AGO4: variants seen among roughly 807,000 people sequenced by gnomAD.
AGO4 encodes the protein protein argonaute-4.
A neutral mutation model predicts 104.7 loss-of-function variants in AGO4; 33 were observed. The ratio of observed to expected loss-of-function variants is 0.32; its 90% CI spans 0.24 to 0.42. AGO4 has a LOEUF of 0.42. Ranked by LOEUF, AGO4 falls within the 10% of genes least tolerant of loss-of-function variation. The probability of loss-of-function intolerance (pLI) is 1.00; values close to 1 mark genes in which losing one functional copy is unlikely to be tolerated. For synonymous variants in AGO4, 331 were observed against 364.7 expected, an observed-to-expected ratio of 0.91 and a Z score of 1.05; for missense variants, 711 against 1,083.4, an observed-to-expected ratio of 0.66 and a Z score of 4.83.
Position 35,808,459 on chromosome 1 carries a change from G to A in AGO4, c.19+24G>A, listed in dbSNP as rs1557544086. On this transcript the variant is annotated intron_variant, in intron 1 of 17. Transcript: ENST00000373210. This position sits in a 1 kb window ranked among gnomAD's most constrained non-coding sequence, Gnocchi z 5.2. Reference sequence around the variant, plus strand: ...CGGTGAGGAGCGAGCTCGGGTCGGGGCGGGACCCGGGACCCGGGACCCGGG... The same window carrying A: ...CGGTGAGGAGCGAGCTCGGGTCGGGACGGGACCCGGGACCCGGGACCCGGG... 3 of 1,179,566 alleles carry A rather than the reference G, an allele frequency of 2.5e-6. No individual in the cohort carries two copies. In the East Asian group the frequency reaches 1.1e-4, roughly 43 times the overall value. The allele number at this position is 1,179,566 out of a possible 1,614,324, so 73.1% of individuals were successfully genotyped here.
rs1417363349 is a variant in AGO4 at position 35,832,142 on chromosome 1, C to G, written c.1202C>G (p.Thr401Arg). The change falls in exon 10 of 18, where the codon ACA becomes AGA. Residue 401 changes from threonine (T) to arginine (R), a missense_variant. Thr to Arg is a moderately conservative substitution (Grantham distance 71, BLOSUM62 -1). Coordinates refer to ENST00000373210, the MANE Select transcript of AGO4 (RefSeq NM_017629.4). ...IVVHNEMTELTGRVLPAPMLQ... is the reference protein window; with the variant it reads ...IVVHNEMTELRGRVLPAPMLQ... ...GTCCACAATGAAATGACAGAGCTCA[C>G]AGGCAGGGTACTTCCAGCACCAATG... 2 of 1,614,154 alleles carry G rather than the reference C, an allele frequency of 1.2e-6. No homozygotes were observed. Among genetic ancestry groups the G allele is most frequent in the East Asian group, 2.2e-5 (1 of 44,886 alleles).
intron 13 of AGO4, among the ~76,000 whole-genome samples, chr1:35,839,574 G>A (rs577825677): frequency 3.2e-4 from 48 of 152,088 alleles, no homozygotes; most frequent in Non-Finnish European, 5.6e-4. Context: ...GAGTTAACAC[G>A]TGTGAAGTGC....
chr1:35,822,171 C>T (rs898100543), intron 2 of AGO4, among the ~76,000 whole-genome samples: 3 of 151,754 alleles, frequency 2.0e-5, no homozygotes, highest in African/African-American at 7.3e-5. Flanking sequence ...TGAGCCACCA[C>T]GCCCAGCCAG....
At position 35,811,398 on chromosome 1, in the gene AGO4, G is replaced by A. The variant is rs554111563; in HGVS notation, c.19+2963G>A. Among the ~76,000 whole-genome samples, 9 of 150,682 alleles carry A rather than the reference G, an allele frequency of 6.0e-5. No homozygotes were observed. The East Asian group carries it at 1.8e-3, about 30-fold the overall frequency. On this transcript the variant is annotated intron_variant, in intron 1 of 17. Transcript: ENST00000373210. ...AATCGCTTGAACACAGGAGGCGGAA[G>A]TTGCAGTGAGCCGAGATTGCGCCAC...
intron 2 of AGO4, among the ~76,000 whole-genome samples, chr1:35,818,223 T>C (rs1179542536): frequency 1.3e-5 from 2 of 152,170 alleles, no homozygotes; most frequent in Non-Finnish European, 2.9e-5. Context: ...TATATACGTA[T>C]GCAAATACCT....
intron 3 of AGO4, among the ~76,000 whole-genome samples, chr1:35,824,343 T>C (rs1213070374): frequency 2.6e-5 from 4 of 152,152 alleles, no homozygotes; most frequent in Non-Finnish European, 4.4e-5. Flanking sequence ...TATACATATG[T>C]TGATGTGTAT....
intron 13 of AGO4, among the ~76,000 whole-genome samples, chr1:35,838,920 C>CT (rs144542188): frequency 0.088 from 13,059 of 148,598 alleles, 735 homozygotes; most frequent in African/African-American, 0.16. Context: ...TCACAGTTCT[C>CT]TTTTTTTTTT....
intron 7 of AGO4, among the ~76,000 whole-genome samples, chr1:35,829,883 G>A (rs1422445319): frequency 1.4e-5 from 2 of 142,748 alleles, no homozygotes; most frequent in Non-Finnish European, 3.1e-5. Flanking sequence ...ATTAAAACCC[G>A]GCATGGTGGC....
intron 7 of AGO4, 106 bp from the exon 8 acceptor site, chr1:35,831,321 A>G: frequency 7.9e-7 from 1 of 1,266,270 alleles, no homozygotes; most frequent in Non-Finnish European, 1.1e-6. Context: ...CATGCACTCC[A>G]GCCTGGGCGA....
intron 17 of AGO4, among the ~76,000 whole-genome samples, chr1:35,852,858 A>G (rs145482720): frequency 1.1e-4 from 16 of 152,330 alleles, no homozygotes; most frequent in African/African-American, 3.8e-4. Context: ...TAAAGAAATT[A>G]GCCAGACATA....
At chr1:35,827,107 C>A (rs1644042593) in intron 7 of AGO4, among the ~76,000 whole-genome samples, 1 of 151,932 alleles carries the variant, frequency 6.6e-6, no homozygotes, top group South Asian at 2.1e-4. Flanking sequence ...GAGGCTGAGG[C>A]AGAGAATTGT....
In AGO4 at chr1:35,831,503, C is replaced by A. The variant is rs1456331363; in HGVS notation, c.925C>A (p.Gln309Lys). The A allele has an allele frequency of 6.2e-7, 1 of 1,614,098 alleles. No individual in the cohort carries two copies. Among genetic ancestry groups the A allele is most frequent in the Non-Finnish European group, 8.5e-7 (1 of 1,180,002 alleles). The change falls in exon 8 of 18, where the codon CAA (glutamine) becomes AAA (lysine). Residue 309 changes from glutamine (Q) to lysine (K), a missense_variant. Coordinates refer to ENST00000373210, the MANE Select transcript of AGO4 (RefSeq NM_017629.4). ...AQYFKQKYSL[Q>K]LKYPHLPCLQ... Reference sequence around the variant, plus strand: ...ATATTTTAAGCAAAAGTATAGTCTGCAACTGAAATACCCCCATCTTCCCTG... The same window carrying A: ...ATATTTTAAGCAAAAGTATAGTCTGAAACTGAAATACCCCCATCTTCCCTG...
Position 35,808,261 on chromosome 1 carries a change from G to C in AGO4, c.-156G>C. The C allele has an allele frequency of 5.0e-6, 1 of 201,624 alleles. No individual in the cohort carries two copies. The highest frequency in any genetic ancestry group is 8.8e-6 in the Non-Finnish European group (1 of 113,778). The allele number at this position is 201,624 out of a possible 1,614,324, so 12.5% of individuals were successfully genotyped here. ...CCGGGTCCCTGTCCCCGGGCCGGGC[G>C]CCGCCGCCGCCCCCTGCCCAGCGCC... On this transcript the variant is annotated 5_prime_UTR_variant, in exon 1 of 18. Coordinates refer to ENST00000373210, the MANE Select transcript of AGO4 (RefSeq NM_017629.4). This position sits in a 1 kb window ranked among gnomAD's most constrained non-coding sequence, Gnocchi z 5.2.
intron 1 of AGO4, among the ~76,000 whole-genome samples, chr1:35,812,837 C>G (rs1643552803): frequency 6.6e-6 from 1 of 152,060 alleles, no homozygotes; most frequent in South Asian, 2.1e-4. Flanking sequence ...GGTGATCTGC[C>G]CGCTTCAGCC....
At chr1:35,853,465 C>T (rs1553150407) in intron 17 of AGO4, 32 bp from the exon 18 acceptor site, 6 of 1,544,282 alleles carry the variant, frequency 3.9e-6, no homozygotes, top group Admixed American at 2.1e-5. Flanking sequence ...GTTTGTTTTG[C>T]TTTGTTTTGT....
At chr1:35,817,414 T>C (rs1399725934) in intron 2 of AGO4, among the ~76,000 whole-genome samples, 1 of 150,130 alleles carries the variant, frequency 6.7e-6, no homozygotes, top group Admixed American at 6.6e-5. Context: ...GAAAGATGTA[T>C]ATATATATAT....
chr1:35,835,248 G>C (rs141301448), intron 12 of AGO4, among the ~76,000 whole-genome samples: 1,596 of 151,942 alleles, frequency 0.011, 19 homozygotes, highest in African/African-American at 0.034. Context: ...GTAGAGATGG[G>C]GTTTCACCAT....
chr1:35,841,771 C>T lies in AGO4; in HGVS notation c.2175+21C>T. ...AAAGGGTAAGAAGATATAATATAAG[C>T]TTTGTTATCTGAGGCTCTGGCAAGA... is the stretch of plus-strand genomic sequence containing the variant. On this transcript the variant is annotated intron_variant, in intron 15 of 17. Transcript: ENST00000373210. This position sits in a 1 kb window ranked among gnomAD's most constrained non-coding sequence, Gnocchi z 4.7. 1 of 1,602,600 alleles carries T rather than the reference C, an allele frequency of 6.2e-7. No individual in the cohort carries two copies. The highest frequency in any genetic ancestry group is 8.5e-7 in the Non-Finnish European group (1 of 1,173,744).
chr1:35,852,215 G>C (rs1286337530), intron 17 of AGO4, among the ~76,000 whole-genome samples: 1 of 152,154 alleles, frequency 6.6e-6, no homozygotes, highest in African/African-American at 2.4e-5. Context: ...GTAAAATGCT[G>C]TTCCTAGGAT....
Sources: allele counts gnomAD v4.1 joint callset (sites outside exome capture counted in the v4.1 genomes callset), GRCh38; gene constraint gnomAD v4.1.1; non-coding constraint Gnocchi (gnomAD v3.1); transcripts MANE v1.5; gene names NCBI Gene and HGNC (gene_info 2026-07-23, HGNC 2026-07-21).